Variants in HMGCLL1 observed in about 807,000 individuals in gnomAD.
The protein encoded by HMGCLL1 is 3-hydroxymethyl-3-methylglutaryl-CoA lyase, cytoplasmic.
Under a neutral mutation model 39.1 loss-of-function variants are expected in HMGCLL1, and 36 were observed. That is an observed-to-expected ratio of 0.92 (90% CI 0.71 to 1.22). The LOEUF (loss-of-function observed/expected upper bound fraction) is 1.22, where lower values mean the gene tolerates loss of function less well. Among genes scored for constraint, HMGCLL1 ranks in the 50% most tolerant of loss-of-function variants. HMGCLL1 has a pLI of 0.00. For synonymous variants in HMGCLL1, 149 were observed against 144.0 expected, an observed-to-expected ratio of 1.03 and a Z score of -0.25; for missense variants, 451 against 416.5, an observed-to-expected ratio of 1.08 and a Z score of -0.72.
chr6:55,601,521 T>A, the HMGCLL1 span, among the ~76,000 whole-genome samples: 4 of 152,162 alleles, frequency 2.6e-5, no homozygotes, highest in African/African-American at 9.6e-5. Flanking sequence ...AAATTTAATC[T>A]AAACTCAAGA....
At chr6:55,623,009 A>G in the HMGCLL1 span, among the ~76,000 whole-genome samples, 22 of 151,978 alleles carry the variant, frequency 1.4e-4, no homozygotes, top group Admixed American at 2.6e-4. Flanking sequence ...ATGTCTAGGA[A>G]TTTGTATACT....
chr6:55,626,492 A>G, the HMGCLL1 span, among the ~76,000 whole-genome samples: 243 of 152,192 alleles, frequency 1.6e-3, no homozygotes, highest in African/African-American at 4.1e-3. Context: ...ACAATACTTT[A>G]CAGGGCTGGG....
At chr6:55,570,592 T>G (rs554986552) in intron 1 of HMGCLL1, among the ~76,000 whole-genome samples, 9 of 152,314 alleles carry the variant, frequency 5.9e-5, no homozygotes, top group Admixed American at 3.3e-4. Flanking sequence ...TCACCATCAT[T>G]CCCTTCATCC....
At chr6:55,579,942 C>G (rs1194920651), upstream of HMGCLL1, among the ~76,000 whole-genome samples, 2 of 152,176 alleles carry the variant, frequency 1.3e-5, no homozygotes, top group Non-Finnish European at 1.5e-5. Context: ...TGTAAACTTA[C>G]GTGTATTGTC....
chr6:55,541,764 C>A lies in HMGCLL1; in HGVS notation c.262G>T (p.Val88Leu), dbSNP rs761460532. The stretch of plus-strand genomic sequence containing the variant: ...CATCTGGAAGACACAAAGCTAGTCA[C>A]TTCTATTACAGACAAGCCAGTTTGG... ...LSQTGLSVIE[V>L]TSFVSSRWVP... The change falls in exon 3 of 9, where the codon GTG becomes TTG. Residue 88 changes from valine to leucine, a missense_variant. Transcript: ENST00000274901. 1 of 1,608,150 alleles carries A rather than the reference C, an allele frequency of 6.2e-7. No homozygotes were observed. Among genetic ancestry groups the A allele is most frequent in the Non-Finnish European group, 8.5e-7 (1 of 1,176,402 alleles).
the HMGCLL1 span, among the ~76,000 whole-genome samples, chr6:55,617,942 C>T: frequency 6.6e-6 from 1 of 151,834 alleles, no homozygotes; most frequent in Admixed American, 6.6e-5. Flanking sequence ...GAACATTACA[C>T]AGCAATAAAA....
At chr6:55,515,386 A>G (rs10807494) in intron 4 of HMGCLL1, among the ~76,000 whole-genome samples, 64,775 of 151,954 alleles carry the variant, frequency 0.43, 13,831 homozygotes, top group African/African-American at 0.46. Flanking sequence ...TAAAAACTCT[A>G]TTAGTGAACA....
the HMGCLL1 span, among the ~76,000 whole-genome samples, chr6:55,623,680 A>G: frequency 6.7e-6 from 1 of 149,156 alleles, no homozygotes; most frequent in South Asian, 2.1e-4. Context: ...CATATTATAT[A>G]TAATACATAT....
chr6:55,466,587 A>T (rs1037779069), intron 7 of HMGCLL1, among the ~76,000 whole-genome samples: 3 of 152,022 alleles, frequency 2.0e-5, no homozygotes. Context: ...AAAGTATGCA[A>T]CTCAGCTGTT....
chr6:55,612,891 C>G, the HMGCLL1 span, among the ~76,000 whole-genome samples: 1 of 152,012 alleles, frequency 6.6e-6, no homozygotes, highest in Admixed American at 6.6e-5. Context: ...TAGGCATGGG[C>G]AAAGATTTTA....
chr6:55,668,190 T>C, the HMGCLL1 span, among the ~76,000 whole-genome samples: 1 of 151,914 alleles, frequency 6.6e-6, no homozygotes, highest in Non-Finnish European at 1.5e-5. Context: ...ATGGAATCAC[T>C]GCTGACAGCA....
the HMGCLL1 span, among the ~76,000 whole-genome samples, chr6:55,592,168 T>G: frequency 1.3e-5 from 2 of 151,930 alleles, no homozygotes; most frequent in East Asian, 3.9e-4. Context: ...TTCCTCAGAT[T>G]CTCCTCTTCC....
At chr6:55,591,582 C>T in the HMGCLL1 span, among the ~76,000 whole-genome samples, 1 of 150,860 alleles carries the variant, frequency 6.6e-6, no homozygotes, top group African/African-American at 2.4e-5. Context: ...CCTTTTTTTC[C>T]CCTTGGTGGC....
chr6:55,567,423 C>T (rs865876515), intron 1 of HMGCLL1, among the ~76,000 whole-genome samples: 2 of 151,994 alleles, frequency 1.3e-5, no homozygotes, highest in Middle Eastern at 3.4e-3. Flanking sequence ...TGAATAACTC[C>T]CATGATTTTG....
At chr6:55,577,594 A>G (rs558224317) in intron 1 of HMGCLL1, among the ~76,000 whole-genome samples, 172 of 152,302 alleles carry the variant, frequency 1.1e-3, no homozygotes, top group Non-Finnish European at 1.7e-3. Context: ...CCAATCTTCT[A>G]TCATTGTCCA....
At chr6:55,656,189 A>G in the HMGCLL1 span, among the ~76,000 whole-genome samples, 2 of 151,934 alleles carry the variant, frequency 1.3e-5, no homozygotes, top group Admixed American at 1.3e-4. Flanking sequence ...ACCTCACTGA[A>G]TAACATCATT....
At chr6:55,597,465 G>T in the HMGCLL1 span, among the ~76,000 whole-genome samples, 1 of 151,340 alleles carries the variant, frequency 6.6e-6, no homozygotes, top group African/African-American at 2.4e-5. Context: ...GTTTAAAAAG[G>T]ATACAGAAGT....
intron 7 of HMGCLL1, among the ~76,000 whole-genome samples, chr6:55,467,556 C>A (rs528445970): frequency 6.6e-6 from 1 of 152,098 alleles, no homozygotes; most frequent in East Asian, 1.9e-4. Context: ...GCCAAGACTC[C>A]CAGCATATAC....
the HMGCLL1 span, among the ~76,000 whole-genome samples, chr6:55,654,404 T>G: frequency 2.0e-5 from 3 of 151,630 alleles, no homozygotes; most frequent in African/African-American, 7.3e-5. Flanking sequence ...AAGTCAAAAT[T>G]TGAAGTTATT....
Sources: allele counts gnomAD v4.1 joint callset (sites outside exome capture counted in the v4.1 genomes callset), GRCh38; gene constraint gnomAD v4.1.1; transcripts MANE v1.5; gene names NCBI Gene and HGNC (gene_info 2026-07-23, HGNC 2026-07-21).